The following TMPPE variants were observed in gnomAD, a reference collection of about 807,000 sequenced individuals.
The protein encoded by TMPPE is transmembrane protein with metallophosphoesterase domain.
A neutral mutation model predicts 22.6 loss-of-function variants in TMPPE; 16 were observed. The observed-to-expected ratio is 0.71, with a 90% CI of 0.48 to 1.08. TMPPE has a LOEUF of 1.08. Among genes scored for constraint, TMPPE ranks in the 50% least tolerant of loss-of-function variants. The probability of loss-of-function intolerance (pLI) is 0.00; values close to 1 mark genes in which losing one functional copy is unlikely to be tolerated. For synonymous variants in TMPPE, 240 were observed against 245.3 expected, an observed-to-expected ratio of 0.98 and a Z score of 0.20; for missense variants, 526 against 584.3, an observed-to-expected ratio of 0.90 and a Z score of 1.03.
rs965576684 is a variant in TMPPE, at chr3:33,094,250, A to C, written c.-55T>G. On this transcript the variant is annotated 5_prime_UTR_variant, in exon 2 of 2. Coordinates refer to ENST00000342462, the MANE Select transcript of TMPPE (RefSeq NM_001039770.3). ...AGTTCTGTGCTGGTGGACTCTGGAA[A>C]TGAGTTCCTTAGAAAGGACAGTGGC... 5.0e-5 allele frequency: 77 copies of C among 1,526,556 alleles called. No homozygotes were observed. Among genetic ancestry groups the C allele is most frequent in the Non-Finnish European group, 6.6e-5 (75 of 1,137,574 alleles). The allele number at this position is 1,526,556 out of a possible 1,614,324, so 94.6% of individuals were successfully genotyped here.
Position 33,092,754 on chromosome 3 carries a change from G to C in TMPPE, c.*80C>G. 1.3e-6 allele frequency: 2 copies of C among 1,517,114 alleles called. No homozygotes were observed. Among genetic ancestry groups the C allele is most frequent in the Non-Finnish European group, 8.8e-7 (1 of 1,134,258 alleles). The allele number at this position is 1,517,114 out of a possible 1,614,324, so 94.0% of individuals were successfully genotyped here. On this transcript the variant is annotated 3_prime_UTR_variant, in exon 2 of 2. Transcript: ENST00000342462. ...AGGATGAGTGGGCAAGGCTGGAGGG[G>C]AAAAGCAGGCAAACCACTCTGAAGC...
chr3:33,096,153 G>A (rs577723970), intron 1 of TMPPE, among the ~76,000 whole-genome samples: 1 of 152,242 alleles, frequency 6.6e-6, no homozygotes, highest in African/African-American at 2.4e-5. Flanking sequence ...ACACCCTGGA[G>A]GAACCAAAGT....
chr3:33,091,152 A>G lies in TMPPE; in HGVS notation c.*1682T>C. ...GATTCACAAAATGCGGTCGGGACAC[A>G]AGAAAAGTGAGTTTGGAAGGACAGT... On this transcript the variant is annotated 3_prime_UTR_variant, in exon 2 of 2. Transcript: ENST00000342462. 1.0e-6 allele frequency: 1 copy of G among 985,458 alleles called. No individual in the cohort carries two copies. Among genetic ancestry groups the G allele is most frequent in the Non-Finnish European group, 1.2e-6 (1 of 829,958 alleles). The allele number at this position is 985,458 out of a possible 1,614,324, so 61.0% of individuals were successfully genotyped here.
rs1157018647 is a variant in TMPPE at position 33,091,610 on chromosome 3, C to T, written c.*1224G>A. On this transcript the variant is annotated 3_prime_UTR_variant, in exon 2 of 2. Coordinates refer to ENST00000342462, the MANE Select transcript of TMPPE (RefSeq NM_001039770.3). ...ACTCATGCACAAGGCTTGATGGATC[C>T]CTCCTGACAAAACAATCTTGAGGTA... The T allele has an allele frequency of 1.0e-6, 1 of 984,042 alleles. No homozygotes were observed. The highest frequency in any genetic ancestry group is 1.1e-4 in the East Asian group (1 of 8,788). 61.0% of individuals were successfully genotyped at this position (984,042 alleles called of 1,614,324 possible).
In TMPPE at chr3:33,094,002, C is replaced by T. The variant is rs371231261; in HGVS notation, c.194G>A (p.Arg65His). The change falls in exon 2 of 2, where the codon CGC becomes CAC. Residue 65 changes from arginine (R) to histidine (H), a missense_variant. By Grantham distance (29) the Arg-to-His change is conservative. Coordinates refer to ENST00000342462, the MANE Select transcript of TMPPE (RefSeq NM_001039770.3). ...GTGGCAGAGGTTGCTCACTGTGCTG[C>T]GCCAAATGTAGAGGGAGCCAATGAG... The part of the protein sequence containing the change: ...LLLIGSLYIW[R>H]STVSNLCHSP... 1.5e-5 allele frequency: 25 copies of T among 1,614,032 alleles called. No homozygotes were observed. The highest frequency in any genetic ancestry group is 2.0e-5 in the Non-Finnish European group (24 of 1,180,036).
chr3:33,090,513 C>T lies in TMPPE; in HGVS notation c.*2321G>A. On this transcript the variant is annotated 3_prime_UTR_variant, in exon 2 of 2. Coordinates refer to ENST00000342462, the MANE Select transcript of TMPPE (RefSeq NM_001039770.3). The stretch of plus-strand genomic sequence containing the variant: ...TATTGCTGATTTTCAAAAAGCATTG[C>T]ATTTCAATTTGCATCTAACAGATTA... The T allele has an allele frequency of 1.0e-6, 1 of 985,370 alleles. No homozygotes were observed. The highest frequency in any genetic ancestry group is 1.2e-6 in the Non-Finnish European group (1 of 829,924). The allele number at this position is 985,370 out of a possible 1,614,324, so 61.0% of individuals were successfully genotyped here. A position where few individuals can be genotyped will look rare whatever the true frequency, so the allele number is the denominator to read the frequency against.
In TMPPE at chr3:33,097,031, C is replaced by T. The variant is rs1156699298; in HGVS notation, c.-421G>A. 4 of 1,612,256 alleles carry T rather than the reference C, an allele frequency of 2.5e-6. No individual in the cohort carries two copies. The highest frequency in any genetic ancestry group is 2.7e-5 in the African/African-American group (2 of 74,808). On this transcript the variant is annotated 5_prime_UTR_variant, in exon 1 of 2. Transcript: ENST00000342462. ...CTTACGCGCAAGCCGCGCGTAGGGC[C>T]CAGAAGCAGCAGAACCAGCAACAGA...
intron 1 of TMPPE, 64 bp downstream of exon 1, chr3:33,096,655 C>T: frequency 9.0e-7 from 1 of 1,116,934 alleles, no homozygotes; most frequent in South Asian, 2.7e-5. Context: ...CCGGAGGCAC[C>T]CTCTAACCCG....
chr3:33,092,594 G>T lies in TMPPE; in HGVS notation c.*240C>A. The T allele has an allele frequency of 3.0e-6, 4 of 1,319,438 alleles. No homozygotes were observed. Among genetic ancestry groups the T allele is most frequent in the Non-Finnish European group, 3.9e-6 (4 of 1,034,272 alleles). 81.7% of individuals were successfully genotyped at this position (1,319,438 alleles called of 1,614,324 possible). A position where few individuals can be genotyped will look rare whatever the true frequency, so the allele number is the denominator to read the frequency against. ...AAAATAGAGGGGAGTGCTAATATATGTGACCTTAGTGATCTCACAAGTGCA... is the reference window on the plus strand; with the variant it reads ...AAAATAGAGGGGAGTGCTAATATATTTGACCTTAGTGATCTCACAAGTGCA... On this transcript the variant is annotated 3_prime_UTR_variant, in exon 2 of 2. Transcript: ENST00000342462.
chr3:33,095,853 C>A (rs557193211), intron 1 of TMPPE, among the ~76,000 whole-genome samples: 4 of 152,200 alleles, frequency 2.6e-5, no homozygotes, highest in Non-Finnish European at 4.4e-5. Context: ...TAAGGTCCTA[C>A]GGGCCTTCTG....
Position 33,091,069 on chromosome 3 carries a change from T to C in TMPPE, c.*1765A>G, listed in dbSNP as rs1488585983. The stretch of plus-strand genomic sequence containing the variant: ...GCCGCATCAAACAGTGGAAGTGAAA[T>C]GGCACCATCTAGCCCACCTGGTGAA... On this transcript the variant is annotated 3_prime_UTR_variant, in exon 2 of 2. Coordinates refer to ENST00000342462, the MANE Select transcript of TMPPE (RefSeq NM_001039770.3). 8.1e-6 allele frequency: 8 copies of C among 985,058 alleles called. No individual in the cohort carries two copies. The highest frequency in any genetic ancestry group is 9.6e-6 in the Non-Finnish European group (8 of 829,920). 61.0% of individuals were successfully genotyped at this position (985,058 alleles called of 1,614,324 possible).
chr3:33,093,781 C>A lies in TMPPE; in HGVS notation c.415G>T (p.Glu139Ter). The A allele has an allele frequency of 6.2e-7, 1 of 1,613,386 alleles. No individual in the cohort carries two copies. The highest frequency in any genetic ancestry group is 8.5e-7 in the Non-Finnish European group (1 of 1,179,692). Reference protein sequence around the residue: ...LFFLFILSGMEQAYQLLAWRS... With the variant: ...LFFLFILSGM ...CAGGCCAAGAGCTGGTAGGCCTGCT[C>A]CATGCCGCTGAGGATGAAGAGGAAG... The change falls in exon 2 of 2, where the codon GAG becomes TAG. Residue 139 changes from glutamate (E) to a stop codon, truncating the protein, a stop_gained. Coordinates refer to ENST00000342462, the MANE Select transcript of TMPPE (RefSeq NM_001039770.3). LOFTEE classifies it high-confidence loss of function. The surrounding 1 kb of genome is among the most constrained non-coding windows in gnomAD (Gnocchi z 6.0).
Position 33,093,968 on chromosome 3 carries a change from A to G in TMPPE, c.228T>C (p.Ala76=), listed in dbSNP as rs1373569860. 2 of 1,614,194 alleles carry G rather than the reference A, an allele frequency of 1.2e-6. No individual in the cohort carries two copies. The highest frequency in any genetic ancestry group is 1.7e-6 in the Non-Finnish European group (2 of 1,180,030). Residue 76 remains alanine, a synonymous_variant, in exon 2 of 2, where the codon GCT becomes GCC. Coordinates refer to ENST00000342462, the MANE Select transcript of TMPPE (RefSeq NM_001039770.3). The surrounding 1 kb of genome is among the most constrained non-coding windows in gnomAD (Gnocchi z 6.0). ...STVSNLCHSP[A]AESTCFQLWK... ...AAAGCTGAAAACAGGTTGACTCTGC[A>G]GCTGGGGAGTGGCAGAGGTTGCTCA...
Position 33,093,482 on chromosome 3 carries a change from T to C in TMPPE, c.714A>G (p.Pro238=). ...MFVRMVNVLE[P]DITVIVGDLS... is the part of the protein sequence containing the mutation. ...GGTCACCCACAATCACCGTGATGTC[T>C]GGTTCCAGCACATTCACCATCCTCA... Residue 238 remains proline (P), a synonymous_variant, in exon 2 of 2, where the codon CCA becomes CCG. Transcript: ENST00000342462. This position sits in a 1 kb window ranked among gnomAD's most constrained non-coding sequence, Gnocchi z 6.0. The C allele has an allele frequency of 6.2e-7, 1 of 1,614,142 alleles. No individual in the cohort carries two copies. Among genetic ancestry groups the C allele is most frequent in the Non-Finnish European group, 8.5e-7 (1 of 1,180,036 alleles).
In TMPPE at chr3:33,091,877, G is replaced by C; in HGVS notation, c.*957C>G. ...AACACGGGTGCTTATCTCCATCTCAGGATCAAAGGATCTATTGCTTCTGGC... is the reference window on the plus strand; with the variant it reads ...AACACGGGTGCTTATCTCCATCTCACGATCAAAGGATCTATTGCTTCTGGC... On this transcript the variant is annotated 3_prime_UTR_variant, in exon 2 of 2. Coordinates refer to ENST00000342462, the MANE Select transcript of TMPPE (RefSeq NM_001039770.3). The C allele has an allele frequency of 1.0e-6, 1 of 985,418 alleles. No individual in the cohort carries two copies. The highest frequency in any genetic ancestry group is 4.7e-5 in the South Asian group (1 of 21,282). 61.0% of individuals were successfully genotyped at this position (985,418 alleles called of 1,614,324 possible).
At position 33,097,139 on chromosome 3, in the gene TMPPE, A is replaced by T; in HGVS notation, c.-529T>A. On this transcript the variant is annotated 5_prime_UTR_variant, in exon 1 of 2. Transcript: ENST00000342462. ...GCGCCCAGGCCGGCCGCTTCGCGTC[A>T]CTTGACTAAGGACCCACGGCCTGGC... 3 of 1,600,782 alleles carry T rather than the reference A, an allele frequency of 1.9e-6. No homozygotes were observed. Among genetic ancestry groups the T allele is most frequent in the Non-Finnish European group, 2.6e-6 (3 of 1,173,334 alleles).
At position 33,091,565 on chromosome 3, in the gene TMPPE, T is replaced by C. The variant is rs1340978131; in HGVS notation, c.*1269A>G. ...AAAAATTAACATTGAGTGTTTACTG[T>C]GCACGCTGTGCCATGTGGAACTCAT... On this transcript the variant is annotated 3_prime_UTR_variant, in exon 2 of 2. Transcript: ENST00000342462. 1.0e-6 allele frequency: 1 copy of C among 985,366 alleles called. No homozygotes were observed. The highest frequency in any genetic ancestry group is 1.1e-4 in the East Asian group (1 of 8,832). 61.0% of individuals were successfully genotyped at this position (985,366 alleles called of 1,614,324 possible).
intron 1 of TMPPE, among the ~76,000 whole-genome samples, chr3:33,095,943 A>C (rs184812202): frequency 1.3e-5 from 2 of 152,296 alleles, no homozygotes; most frequent in East Asian, 3.9e-4. Context: ...ATCTGTGCTG[A>C]CTTTTTCCCA....
rs758431159 is a variant in TMPPE at position 33,093,309 on chromosome 3, T to C, written c.887A>G (p.His296Arg). 1.2e-6 allele frequency: 2 copies of C among 1,614,090 alleles called. No individual in the cohort carries two copies. Among genetic ancestry groups the C allele is most frequent in the Admixed American group, 1.7e-5 (1 of 60,016 alleles). The part of the protein sequence containing the change: ...SNWFALLESL[H>R]VQPLHNENVK... The stretch of plus-strand genomic sequence containing the variant: ...GTTCTCATTATGAAGAGGCTGGACA[T>C]GCAGGGATTCCAGAAGTGCAAACCA... The change falls in exon 2 of 2, where the codon CAT (histidine) becomes CGT (arginine). Residue 296 changes from histidine to arginine, a missense_variant. Transcript: ENST00000342462. The surrounding 1 kb of genome is among the most constrained non-coding windows in gnomAD (Gnocchi z 6.0).
Sources: allele counts gnomAD v4.1 joint callset (sites outside exome capture counted in the v4.1 genomes callset), GRCh38; gene constraint gnomAD v4.1.1; non-coding constraint Gnocchi (gnomAD v3.1); transcripts MANE v1.5; gene names NCBI Gene and HGNC (gene_info 2026-07-23, HGNC 2026-07-21).